COL23A1: variants seen among roughly 807,000 people sequenced by gnomAD.
COL23A1 encodes the protein collagen alpha-1(XXIII) chain.
A neutral mutation model predicts 99.3 loss-of-function variants in COL23A1; 97 were observed. That is an observed-to-expected ratio of 0.98 (90% CI 0.83 to 1.16). The LOEUF is 1.16. Ranked by LOEUF, COL23A1 falls within the 50% of genes most tolerant of loss-of-function variation. The pLI, the probability that COL23A1 is intolerant of heterozygous loss-of-function variation, is 0.00. For missense variants in COL23A1, 762 were observed against 757.4 expected (o/e 1.01, Z -0.07); for synonymous variants, 320 against 308.2 (o/e 1.04, Z -0.40).
intron 17 of COL23A1, 118 bp downstream of exon 17, chr5:178,252,426 G>A (rs1280575629): frequency 2.8e-5 from 26 of 930,710 alleles, no homozygotes; most frequent in Middle Eastern, 2.3e-4. Context: ...CTGAGCTCCC[G>A]GAAGCCAGGC....
chr5:178,504,598 G>A (rs1758760228), intron 2 of COL23A1, among the ~76,000 whole-genome samples: 1 of 152,230 alleles, frequency 6.6e-6, no homozygotes, highest in African/African-American at 2.4e-5. Flanking sequence ...CTGGAAGTGG[G>A]TGTGGGGAAA....
intron 2 of COL23A1, among the ~76,000 whole-genome samples, chr5:178,473,347 T>A (rs554591600): frequency 6.6e-6 from 1 of 151,710 alleles, no homozygotes; most frequent in African/African-American, 2.4e-5. Context: ...CAGGCTGGAG[T>A]GCAGTGGCAC....
Position 178,544,078 on chromosome 5 carries a change from C to T in COL23A1, c.361+16604G>A, listed in dbSNP as rs1761444341. 6.6e-6 allele frequency among the ~76,000 whole-genome samples: 1 copy of T among 152,150 alleles called. No individual in the cohort carries two copies. Reference sequence around the variant, plus strand: ...ATTACCTTGGAGATTAGGATTTCAACATATGACTTTGGGACACAAGATTCA... The same window carrying T: ...ATTACCTTGGAGATTAGGATTTCAATATATGACTTTGGGACACAAGATTCA... On this transcript the variant is annotated intron_variant, in intron 2 of 28. Transcript: ENST00000390654. This position sits in a 1 kb window ranked among gnomAD's most constrained non-coding sequence, Gnocchi z 4.4.
intron 18 of COL23A1, among the ~76,000 whole-genome samples, chr5:178,249,727 C>G (rs2127536560): frequency 7.2e-6 from 1 of 139,122 alleles, no homozygotes; most frequent in Admixed American, 7.1e-5. Flanking sequence ...CTCTCTCTCT[C>G]TCTCTCTCTC....
chr5:178,523,163 C>CACACATAT (rs1370406285), intron 2 of COL23A1, among the ~76,000 whole-genome samples: 1 of 95,548 alleles, frequency 1.0e-5, no homozygotes, highest in African/African-American at 4.0e-5. Context: ...TATATATATA[C>CACACATAT]ATATATATAT....
intron 1 of COL23A1, among the ~76,000 whole-genome samples, chr5:178,571,159 C>A (rs1194284027): frequency 1.3e-5 from 2 of 152,138 alleles, no homozygotes; most frequent in East Asian, 1.9e-4. Context: ...ATCAGGAGTT[C>A]GAGACCAGCC....
intron 5 of COL23A1, among the ~76,000 whole-genome samples, chr5:178,285,843 C>T (rs889353847): frequency 2.0e-5 from 3 of 152,250 alleles, no homozygotes; most frequent in Admixed American, 2.0e-4. Context: ...CCCTCCTGTC[C>T]TCCACAGGCC....
chr5:178,358,611 GTGTATGTA>G (rs150988301), intron 2 of COL23A1, among the ~76,000 whole-genome samples: 7 of 144,822 alleles, frequency 4.8e-5, no homozygotes, highest in South Asian at 2.3e-4. Flanking sequence ...GTGTGTATGC[GTGTATGTA>G]TGTGTGTATG....
Position 178,306,889 on chromosome 5 carries a change from C to T in COL23A1, c.392G>A (p.Arg131Lys), listed in dbSNP as rs367931971. The change falls in exon 3 of 29, where the codon AGA becomes AAA. Residue 131 changes from arginine to lysine, a missense_variant. Physicochemically the swap from Arg to Lys is conservative, Grantham distance 26 (BLOSUM62 2). Coordinates refer to ENST00000390654, the MANE Select transcript of COL23A1 (RefSeq NM_173465.4). This position sits in a 1 kb window ranked among gnomAD's most constrained non-coding sequence, Gnocchi z 4.1. ...CTGGGACTCACCAGGGTCGCCTCTT[C>T]TCCCAGGCTTGCCGCGCCGTCCAGG... Reference protein sequence around the residue: ...GPPGRRGKPGRRGDPGPPGQS... With the variant: ...GPPGRRGKPGKRGDPGPPGQS... 5 of 1,547,162 alleles carry T rather than the reference C, an allele frequency of 3.2e-6. No homozygotes were observed. The African/African-American group carries it at 7.0e-5, about 22-fold the overall frequency.
intron 2 of COL23A1, among the ~76,000 whole-genome samples, chr5:178,442,173 A>G (rs1766907457): frequency 6.6e-6 from 1 of 151,850 alleles, no homozygotes; most frequent in Non-Finnish European, 1.5e-5. Context: ...TTAAAAAAAA[A>G]ACAGTCTGAA....
At chr5:178,427,831 G>C (rs1766029530) in intron 2 of COL23A1, among the ~76,000 whole-genome samples, 1 of 152,164 alleles carries the variant, frequency 6.6e-6, no homozygotes, top group South Asian at 2.1e-4. Context: ...TGGAGCACGG[G>C]GGATTTGGGG....
intron 1 of COL23A1, among the ~76,000 whole-genome samples, chr5:178,563,354 A>G (rs1762696485): frequency 6.6e-6 from 1 of 151,990 alleles, no homozygotes. Context: ...TGCTCCACCC[A>G]GGCGCAGCAG....
intron 5 of COL23A1, among the ~76,000 whole-genome samples, chr5:178,283,827 C>T (rs1440293580): frequency 6.6e-6 from 1 of 152,196 alleles, no homozygotes; most frequent in African/African-American, 2.4e-5. Context: ...AAAAAGCGCT[C>T]ATGATAAACA....
chr5:178,467,580 G>C (rs1304755403), intron 2 of COL23A1, among the ~76,000 whole-genome samples: 1 of 152,138 alleles, frequency 6.6e-6, no homozygotes, highest in Non-Finnish European at 1.5e-5. Flanking sequence ...CATTGTGCGA[G>C]GGTTTGAAGG....
In COL23A1 at chr5:178,353,749, A is replaced by G. The variant is rs770705599; in HGVS notation, c.362-46830T>C. Among the ~76,000 whole-genome samples, 9 of 152,168 alleles carry G rather than the reference A, an allele frequency of 5.9e-5. 1 individual carries two copies. The highest frequency in any genetic ancestry group is 1.0e-4 in the Non-Finnish European group (7 of 68,024). On this transcript the variant is annotated intron_variant, in intron 2 of 28. Coordinates refer to ENST00000390654, the MANE Select transcript of COL23A1 (RefSeq NM_173465.4). ...CTCCGTGGATGGGAATCAGCGCTGT[A>G]TCATCACAGACGCTTGGACCCAGCA...
chr5:178,379,749 T>C (rs901688817), intron 2 of COL23A1, among the ~76,000 whole-genome samples: 4 of 151,520 alleles, frequency 2.6e-5, no homozygotes, highest in Non-Finnish European at 5.9e-5. Flanking sequence ...GGCCTAGTGG[T>C]GCATGCCTGT....
chr5:178,548,631 C>A (rs1029476130), intron 2 of COL23A1, among the ~76,000 whole-genome samples: 1 of 150,868 alleles, frequency 6.6e-6, no homozygotes, highest in Non-Finnish European at 1.5e-5. Context: ...CGGCTCCCTG[C>A]AACCTCTGTT....
intron 2 of COL23A1, among the ~76,000 whole-genome samples, chr5:178,486,567 A>G (rs534172274): frequency 6.6e-6 from 1 of 152,326 alleles, no homozygotes; most frequent in South Asian, 2.1e-4. Context: ...ATAATTGGCA[A>G]ATTCCAAGAG....
At chr5:178,278,312 C>G (rs1756704021) in intron 5 of COL23A1, among the ~76,000 whole-genome samples, 1 of 152,100 alleles carries the variant, frequency 6.6e-6, no homozygotes. Context: ...GAGCTGCCCC[C>G]TAGGCTGTGG....
Sources: allele counts gnomAD v4.1 joint callset (sites outside exome capture counted in the v4.1 genomes callset), GRCh38; gene constraint gnomAD v4.1.1; non-coding constraint Gnocchi (gnomAD v3.1); transcripts MANE v1.5; gene names NCBI Gene and HGNC (gene_info 2026-07-23, HGNC 2026-07-21).